TENM3: variants seen among roughly 807,000 people sequenced by gnomAD.
TENM3 encodes the protein teneurin-3.
Under a neutral mutation model 255.1 loss-of-function variants are expected in TENM3, and 63 were observed. That is an observed-to-expected ratio of 0.25 (90% CI 0.20 to 0.30). The LOEUF is 0.30. Ranked by LOEUF, TENM3 falls within the 10% of genes least tolerant of loss-of-function variation. The pLI is 1.00. For missense variants in TENM3, 2,929 were observed against 3,461.1 expected, an observed-to-expected ratio of 0.85 and a Z score of 3.86; for synonymous variants, 1,306 against 1,322.3, an observed-to-expected ratio of 0.99 and a Z score of 0.27.
chr4:181,556,427 G>A, the TENM3 span, among the ~76,000 whole-genome samples: 2 of 151,934 alleles, frequency 1.3e-5, no homozygotes, highest in South Asian at 4.2e-4. Flanking sequence ...ATGAAGCCTT[G>A]ACAATAATTT....
the TENM3 span, among the ~76,000 whole-genome samples, chr4:181,803,464 ACG>A: frequency 6.6e-6 from 1 of 152,192 alleles, no homozygotes; most frequent in Non-Finnish European, 1.5e-5. Context: ...ATGATATTGA[ACG>A]CATTTTACCT....
chr4:182,088,177 T>C, the TENM3 span, among the ~76,000 whole-genome samples: 1 of 152,242 alleles, frequency 6.6e-6, no homozygotes, highest in African/African-American at 2.4e-5. Flanking sequence ...AATGTTTCTA[T>C]AAAAGCTAGA....
chr4:181,921,615 C>G, the TENM3 span, among the ~76,000 whole-genome samples: 49 of 152,290 alleles, frequency 3.2e-4, no homozygotes, highest in African/African-American at 9.4e-4. Flanking sequence ...AGTTGCTTAT[C>G]AGCTTAAGGA....
At chr4:181,702,151 T>G in the TENM3 span, among the ~76,000 whole-genome samples, 2 of 152,212 alleles carry the variant, frequency 1.3e-5, no homozygotes, top group South Asian at 2.1e-4. Context: ...GAAGTGAGTT[T>G]CAGATATGCA....
chr4:182,719,876 C>T (rs747678208), intron 13 of TENM3, among the ~76,000 whole-genome samples: 42 of 152,070 alleles, frequency 2.8e-4, no homozygotes, highest in Non-Finnish European at 3.4e-4. Context: ...GCCTGGCCAG[C>T]GTAGCAAGGC....
intron 3 of TENM3, among the ~76,000 whole-genome samples, chr4:182,580,427 TTTC>T (rs940307162): frequency 6.6e-6 from 1 of 152,198 alleles, no homozygotes; most frequent in African/African-American, 2.4e-5. Context: ...TATTTTTATT[TTTC>T]TTCTTCTTTT....
At chr4:182,701,729 C>G (rs1561130495) in intron 12 of TENM3, among the ~76,000 whole-genome samples, 1 of 152,196 alleles carries the variant, frequency 6.6e-6, no homozygotes, top group Non-Finnish European at 1.5e-5. Flanking sequence ...GAACAAACCG[C>G]ATAGCAAAAG....
Position 182,324,032 on chromosome 4 carries a change from A to G in TENM3, c.12A>G (p.Lys4=), listed in dbSNP as rs200908350. 1.9e-4 allele frequency: 302 copies of G among 1,613,758 alleles called. 2 individuals carry two copies. The East Asian group carries it at 6.7e-3, about 36-fold the overall frequency. The part of the protein sequence containing the change: MDV[K]ERRPYCSLTK... ...AGAAGGAATGAAGTATGGATGTGAAAGAACGCAGGCCTTACTGCTCCCTGA... is the reference window on the plus strand; with the variant it reads ...AGAAGGAATGAAGTATGGATGTGAAGGAACGCAGGCCTTACTGCTCCCTGA... Residue 4 remains lysine (K), a synonymous_variant, in exon 2 of 28, where the codon AAA becomes AAG. Coordinates refer to ENST00000511685, the MANE Select transcript of TENM3 (RefSeq NM_001080477.4).
At chr4:181,921,200 T>A in the TENM3 span, among the ~76,000 whole-genome samples, 3 of 152,214 alleles carry the variant, frequency 2.0e-5, no homozygotes, top group Non-Finnish European at 4.4e-5. Context: ...TGGCTTAGGA[T>A]TGACTTGGCA....
chr4:181,792,627 C>A, the TENM3 span, among the ~76,000 whole-genome samples: 1 of 152,212 alleles, frequency 6.6e-6, no homozygotes, highest in African/African-American at 2.4e-5. Context: ...AATCTGAAAT[C>A]TCAAATAGCC....
the TENM3 span, among the ~76,000 whole-genome samples, chr4:182,051,174 T>C: frequency 5.9e-5 from 9 of 151,752 alleles, no homozygotes; most frequent in Non-Finnish European, 1.0e-4. Context: ...TGAAAACCCA[T>C]CTCTACTAAA....
At chr4:181,639,375 A>G in the TENM3 span, among the ~76,000 whole-genome samples, 4 of 152,182 alleles carry the variant, frequency 2.6e-5, no homozygotes, top group Non-Finnish European at 5.9e-5. Context: ...GTGACCATCC[A>G]CATGCAGCCA....
At chr4:181,849,786 G>A in the TENM3 span, among the ~76,000 whole-genome samples, 2 of 152,046 alleles carry the variant, frequency 1.3e-5, no homozygotes, top group Non-Finnish European at 2.9e-5. Context: ...ACAGACACAA[G>A]GATAATCTCT....
chr4:181,622,384 A>C, the TENM3 span, among the ~76,000 whole-genome samples: 1 of 152,186 alleles, frequency 6.6e-6, no homozygotes, highest in Non-Finnish European at 1.5e-5. Context: ...TATAATAAAT[A>C]CTATAACTAG....
intron 1 of TENM3, among the ~76,000 whole-genome samples, chr4:182,275,394 C>T (rs150917153): frequency 0.023 from 3,498 of 152,270 alleles, 59 homozygotes; most frequent in Non-Finnish European, 0.034. Context: ...ATCTGTTACA[C>T]TGTACTTGCT....
At chr4:182,667,697 G>T (rs1581260224) in intron 6 of TENM3, among the ~76,000 whole-genome samples, 1 of 151,408 alleles carries the variant, frequency 6.6e-6, no homozygotes, top group Non-Finnish European at 1.5e-5. Context: ...TGTGTTCTTG[G>T]TAGTCATGAA....
intron 1 of TENM3, among the ~76,000 whole-genome samples, chr4:182,322,696 A>C (rs1763130001): frequency 6.6e-6 from 1 of 152,166 alleles, no homozygotes; most frequent in African/African-American, 2.4e-5. Context: ...GTGGGGGAGA[A>C]AGAGAGAGAC....
chr4:181,511,509 A>G, the TENM3 span, among the ~76,000 whole-genome samples: 97,875 of 151,942 alleles, frequency 0.64, 31,859 homozygotes, highest in Non-Finnish European at 0.7. Context: ...CGTAAGAGAC[A>G]TTTGTTTGGG....
At chr4:181,642,820 T>A in the TENM3 span, among the ~76,000 whole-genome samples, 2 of 152,184 alleles carry the variant, frequency 1.3e-5, no homozygotes, top group Admixed American at 1.3e-4. Context: ...GTTGTAGATG[T>A]GCGGTATTAT....
Sources: gnomAD v4.1 joint callset for allele counts (sites outside exome capture counted in the v4.1 genomes callset) on GRCh38, gnomAD v4.1.1 for gene constraint, MANE v1.5 for transcripts, NCBI Gene and HGNC (gene_info 2026-07-23, HGNC 2026-07-21) for gene names.